DISC1: variants seen among roughly 807,000 people sequenced by gnomAD.
DISC1 encodes the protein DISC1 scaffold protein.
In DISC1, 57 loss-of-function variants were observed where a neutral mutation model predicts 84.5. The ratio of observed to expected loss-of-function variants is 0.67; its 90% confidence interval spans 0.55 to 0.84. The LOEUF is 0.84. Ranked by LOEUF, DISC1 falls within the 40% of genes least tolerant of loss-of-function variation. The pLI is 0.00. For missense variants in DISC1, 1,000 were observed against 1,057.8 expected (o/e 0.95, Z 0.76); for synonymous variants, 411 against 415.2 (o/e 0.99, Z 0.12).
intron 9 of DISC1, among the ~76,000 whole-genome samples, chr1:231,901,150 A>G (rs200719136): frequency 3.4e-4 from 52 of 152,310 alleles, no homozygotes; most frequent in Non-Finnish European, 6.0e-4. Context: ...ATTGCTTCCA[A>G]TGGGGTGAAC....
At chr1:231,936,790 A>AAG (rs1166186759) in intron 9 of DISC1, among the ~76,000 whole-genome samples, 4 of 152,250 alleles carry the variant, frequency 2.6e-5, no homozygotes, top group Non-Finnish European at 5.9e-5. Context: ...TCTTATTTTC[A>AAG]GATATTTAAG....
chr1:231,697,738 C>CA (rs2065903819), intron 2 of DISC1, among the ~76,000 whole-genome samples: 1 of 151,808 alleles, frequency 6.6e-6, no homozygotes, highest in Non-Finnish European at 1.5e-5. Flanking sequence ...CATGAGCCAC[C>CA]ATGCCTGGTG....
chr1:231,793,335 T>A (rs2078497358), intron 6 of DISC1, among the ~76,000 whole-genome samples: 1 of 152,174 alleles, frequency 6.6e-6, no homozygotes. Flanking sequence ...ATCTATTACA[T>A]TTTCTGGCAT....
In DISC1 at chr1:231,814,981, T is replaced by A. The variant is rs562040950; in HGVS notation, c.1793-3348T>A. Reference sequence around the variant, plus strand: ...AATAATAATAATAATAATAATAATATAAGATATAACCTGTTTCCTAAAGTT... The same window carrying A: ...AATAATAATAATAATAATAATAATAAAAGATATAACCTGTTTCCTAAAGTT... On this transcript the variant is annotated intron_variant, in intron 8 of 12. Coordinates refer to ENST00000439617, the MANE Select transcript of DISC1 (RefSeq NM_018662.3). 10 of 137,938 alleles carry A rather than the reference T, an allele frequency of 7.2e-5. No homozygotes were observed. In the East Asian group the frequency reaches 2.3e-3, roughly 32 times the overall value. 8.5% of individuals were successfully genotyped at this position (137,938 alleles called of 1,614,324 possible). A position where few individuals can be genotyped will look rare whatever the true frequency, so the allele number is the denominator to read the frequency against.
chr1:231,664,149 T>G (rs1467907228), intron 1 of DISC1, among the ~76,000 whole-genome samples: 2 of 152,082 alleles, frequency 1.3e-5, no homozygotes, highest in Non-Finnish European at 2.9e-5. Flanking sequence ...GTTTTTCAGA[T>G]GAGGAAACTG....
At chr1:232,006,564 C>T (rs1464407058) in intron 10 of DISC1, among the ~76,000 whole-genome samples, 2 of 151,956 alleles carry the variant, frequency 1.3e-5, no homozygotes, top group African/African-American at 2.4e-5. Context: ...GCATTCAAGA[C>T]GAGACTTGGG....
intron 9 of DISC1, among the ~76,000 whole-genome samples, chr1:231,919,573 T>A (rs2089870118): frequency 6.6e-6 from 1 of 152,226 alleles, no homozygotes; most frequent in Non-Finnish European, 1.5e-5. Flanking sequence ...TTTAATCTCC[T>A]AATTTTATTT....
intron 9 of DISC1, among the ~76,000 whole-genome samples, chr1:231,898,402 G>A (rs201513666): frequency 4.9e-4 from 75 of 152,206 alleles, no homozygotes; most frequent in Admixed American, 8.5e-4. Context: ...CCTTGCCCAG[G>A]AAGGGCTGAA....
At chr1:231,903,118 G>A (rs530465582) in intron 9 of DISC1, among the ~76,000 whole-genome samples, 71 of 150,002 alleles carry the variant, frequency 4.7e-4, no homozygotes, top group South Asian at 1.1e-3. Context: ...CTGGAGTGCA[G>A]TGGTGCAATC....
intron 9 of DISC1, among the ~76,000 whole-genome samples, chr1:231,882,514 A>C (rs2086362442): frequency 6.6e-6 from 1 of 152,142 alleles, no homozygotes; most frequent in Non-Finnish European, 1.5e-5. Context: ...TCTTTGTCTC[A>C]CTTCTCCTTA....
At chr1:231,723,069 T>C in intron 3 of DISC1, 1 of 1,016,026 alleles carries the variant, frequency 9.8e-7, no homozygotes, top group Non-Finnish European at 1.2e-6. Context: ...TTGATATCCA[T>C]GGGGGATTAA....
In DISC1 at chr1:231,853,005, AT is replaced by A. The variant is rs568302937; in HGVS notation, c.1981+34489del. 5.9e-5 allele frequency among the ~76,000 whole-genome samples: 9 copies of A among 152,330 alleles called. No individual in the cohort carries two copies. The South Asian group carries it at 1.9e-3, about 32-fold the overall frequency. ...TATTTGACCTTATAGCAGCTCTAAA[AT>A]ATTAGACTGCAGTTAGGAAATGCCC... On this transcript the variant is annotated intron_variant, in intron 9 of 12. Coordinates refer to ENST00000439617, the MANE Select transcript of DISC1 (RefSeq NM_018662.3).
intron 12 of DISC1, among the ~76,000 whole-genome samples, chr1:232,036,379 G>A (rs1352314521): frequency 6.6e-6 from 1 of 152,146 alleles, no homozygotes; most frequent in Non-Finnish European, 1.5e-5. Flanking sequence ...CGGAGTTATG[G>A]TCACGCCAAC....
At chr1:231,934,080 G>A (rs1276112566) in intron 9 of DISC1, among the ~76,000 whole-genome samples, 1 of 152,182 alleles carries the variant, frequency 6.6e-6, no homozygotes, top group Non-Finnish European at 1.5e-5. Flanking sequence ...TGATATCACT[G>A]GAAGGAAGGG....
chr1:231,749,698 A>T (rs1252665618), intron 3 of DISC1, among the ~76,000 whole-genome samples: 1 of 152,178 alleles, frequency 6.6e-6, no homozygotes, highest in Non-Finnish European at 1.5e-5. Context: ...GTCAACAATG[A>T]CCTTTGAGAG....
At chr1:231,674,020 TC>T (rs2062889545) in intron 1 of DISC1, among the ~76,000 whole-genome samples, 1 of 152,212 alleles carries the variant, frequency 6.6e-6, no homozygotes, top group South Asian at 2.1e-4. Flanking sequence ...TGGGATCTAG[TC>T]CTGGAGCTAG....
chr1:231,865,171 G>A (rs1240903881), intron 9 of DISC1, among the ~76,000 whole-genome samples: 1 of 152,190 alleles, frequency 6.6e-6, no homozygotes, highest in Non-Finnish European at 1.5e-5. Context: ...CCTGTCTTTC[G>A]GTCTTCACTC....
At chr1:231,977,096 A>G (rs1288820256) in intron 10 of DISC1, among the ~76,000 whole-genome samples, 1 of 152,222 alleles carries the variant, frequency 6.6e-6, no homozygotes, top group African/African-American at 2.4e-5. Flanking sequence ...ATTTCCAAAC[A>G]TATACAAAAC....
At chr1:231,883,769 T>C (rs533734729) in intron 9 of DISC1, among the ~76,000 whole-genome samples, 22 of 152,210 alleles carry the variant, frequency 1.4e-4, no homozygotes, top group African/African-American at 5.3e-4. Flanking sequence ...ATGGGGATGG[T>C]GCAATTGACT....
Sources: gnomAD v4.1 joint callset for allele counts (sites outside exome capture counted in the v4.1 genomes callset) on GRCh38, gnomAD v4.1.1 for gene constraint, MANE v1.5 for transcripts, NCBI Gene and HGNC (gene_info 2026-07-23, HGNC 2026-07-21) for gene names.